BAZ2B: variants seen among roughly 807,000 people sequenced by gnomAD.
The protein encoded by BAZ2B is bromodomain adjacent to zinc finger domain 2B.
BAZ2B carries 91 observed loss-of-function variants against 246.0 expected under a neutral mutation model. That is an observed-to-expected ratio of 0.37 (90% CI 0.31 to 0.44). The LOEUF (loss-of-function observed/expected upper bound fraction) is 0.44, where lower values mean the gene tolerates loss of function less well. Ranked by LOEUF, BAZ2B falls within the 20% of genes least tolerant of loss-of-function variation. The pLI is 1.00. For missense variants in BAZ2B, 2,332 were observed against 2,533.7 expected (o/e 0.92, Z 1.71); for synonymous variants, 855 against 860.0 (o/e 0.99, Z 0.10).
intron 23 of BAZ2B, among the ~76,000 whole-genome samples, chr2:159,384,236 G>C (rs2062355756): frequency 6.6e-6 from 1 of 151,868 alleles, no homozygotes; most frequent in Non-Finnish European, 1.5e-5. Flanking sequence ...TTGAATTTGG[G>C]TGTATGTGTT....
Position 159,432,845 on chromosome 2 carries a change from A to T in BAZ2B, c.1812T>A (p.Ser604=). Residue 604 remains serine, a synonymous_variant, in exon 9 of 37, where the codon TCT becomes TCA. Coordinates refer to ENST00000392783, the MANE Select transcript of BAZ2B (RefSeq NM_013450.4). ...TDSDIPSSKD[S]EDSNEDEEED... Reference sequence around the variant, plus strand: ...CCTCTTCATCCTCATTTGAATCTTCAGAATCTTTACTACTGGGAATGTCTG... The same window carrying T: ...CCTCTTCATCCTCATTTGAATCTTCTGAATCTTTACTACTGGGAATGTCTG... 1 of 1,614,126 alleles carries T rather than the reference A, an allele frequency of 6.2e-7. No individual in the cohort carries two copies. The highest frequency in any genetic ancestry group is 1.1e-5 in the South Asian group (1 of 91,080).
Position 159,344,046 on chromosome 2 carries a change from GAA to G in BAZ2B, c.5454+3438_5454+3439del, listed in dbSNP as rs796497198. On this transcript the variant is annotated intron_variant, in intron 31 of 36. Transcript: ENST00000392783. The stretch of plus-strand genomic sequence containing the variant: ...CCATCTCAAAAAAAAAAAAAAAAAA[GAA>G]AAAAAAAAAAATGAGATGCTGGTAA... Among the ~76,000 whole-genome samples the G allele has an allele frequency of 2.8e-3, 305 of 108,946 alleles. 3 individuals are homozygous for G. Among genetic ancestry groups the G allele is most frequent in the African/African-American group, 1.0e-2 (297 of 29,816 alleles). 71.5% of individuals were successfully genotyped at this position (108,946 alleles called of 152,430 possible).
chr2:159,617,760 A>C (rs1173985553), upstream of BAZ2B, among the ~76,000 whole-genome samples: 1 of 151,680 alleles, frequency 6.6e-6, no homozygotes, highest in East Asian at 2.0e-4. Flanking sequence ...GATTTCACAA[A>C]GCTGCTTCAT....
At chr2:159,708,577 ATTT>A in the BAZ2B span, among the ~76,000 whole-genome samples, 2 of 95,238 alleles carry the variant, frequency 2.1e-5, no homozygotes, top group African/African-American at 3.7e-5. Context: ...TTATTTATTT[ATTT>A]CTTTATTTAT....
chr2:159,506,538 A>ATC (rs1472101445), intron 2 of BAZ2B, among the ~76,000 whole-genome samples: 5 of 152,234 alleles, frequency 3.3e-5, no homozygotes, highest in Non-Finnish European at 7.3e-5. Flanking sequence ...ATGGAGGAAT[A>ATC]TCTCCTGGTA....
chr2:159,689,356 C>A, the BAZ2B span: 1 of 289,132 alleles, frequency 3.5e-6, no homozygotes, highest in Non-Finnish European at 6.3e-6. Context: ...TGGGCTTCTT[C>A]AGCATTTTTA....
chr2:159,566,858 T>C (rs1682719984), intron 1 of BAZ2B, among the ~76,000 whole-genome samples: 1 of 152,174 alleles, frequency 6.6e-6, no homozygotes, highest in African/African-American at 2.4e-5. Context: ...TGAGAGGTTA[T>C]ATACTAAGGT....
intron 14 of BAZ2B, among the ~76,000 whole-genome samples, chr2:159,405,379 T>C (rs1291254800): frequency 6.6e-6 from 1 of 151,988 alleles, no homozygotes; most frequent in East Asian, 1.9e-4. Flanking sequence ...ACCCAGCTAA[T>C]TTTTGTATTT....
chr2:159,514,440 G>A (rs2083239583), intron 2 of BAZ2B, among the ~76,000 whole-genome samples: 1 of 152,044 alleles, frequency 6.6e-6, no homozygotes, highest in South Asian at 2.1e-4. Flanking sequence ...AAGGGATTTT[G>A]TACTGCTTTA....
rs778902560 is a variant in BAZ2B at position 159,325,641 on chromosome 2, C to T, written c.6209+12G>A. 1.3e-5 allele frequency: 20 copies of T among 1,576,380 alleles called. 1 individual carries two copies. The highest frequency in any genetic ancestry group is 1.4e-5 in the African/African-American group (1 of 72,096). On this transcript the variant is annotated intron_variant, in intron 35 of 36. Transcript: ENST00000392783. ...ATTATAAATATACAGTGCATGAAAA[C>T]GGAAATAATACCTGCAAAGAGCTAG... is the stretch of plus-strand genomic sequence containing the variant.
In BAZ2B at chr2:159,385,220, T is replaced by C. The variant is rs2062489871; in HGVS notation, c.3621A>G (p.Pro1207=). Residue 1207 remains proline (P), a synonymous_variant, in exon 23 of 37, where the codon CCA becomes CCG. Transcript: ENST00000392783. ...LKTKAFQAHT[P]AQKASVLAFL... Reference sequence around the variant, plus strand: ...AAGCCAGGACTGAAGCTTTCTGTGCTGGAGTGTGAGCCTGAAAAGCTTTGG... The same window carrying C: ...AAGCCAGGACTGAAGCTTTCTGTGCCGGAGTGTGAGCCTGAAAAGCTTTGG... 1 of 1,613,664 alleles carries C rather than the reference T, an allele frequency of 6.2e-7. No individual in the cohort carries two copies. The highest frequency in any genetic ancestry group is 1.3e-5 in the African/African-American group (1 of 75,028).
At position 159,382,744 on chromosome 2, in the gene BAZ2B, G is replaced by T; in HGVS notation, c.3820C>A (p.Leu1274Met). ...GKRDTSGGID[L>M]GEEQHPLGTP... Reference sequence around the variant, plus strand: ...CCCAAGGGATGCTGCTCTTCTCCCAGATCAATGCCACCTGAAGTGTCTCTT... The same window carrying T: ...CCCAAGGGATGCTGCTCTTCTCCCATATCAATGCCACCTGAAGTGTCTCTT... Residue 1274 changes from leucine (L) to methionine (M), a missense_variant, in exon 25 of 37, where the codon CTG becomes ATG. Physicochemically the swap from Leu to Met is conservative, Grantham distance 15 (BLOSUM62 2). Coordinates refer to ENST00000392783, the MANE Select transcript of BAZ2B (RefSeq NM_013450.4). The T allele has an allele frequency of 6.2e-7, 1 of 1,613,678 alleles. No individual in the cohort carries two copies. The highest frequency in any genetic ancestry group is 8.5e-7 in the Non-Finnish European group (1 of 1,179,876).
chr2:159,328,888 G>A (rs1477893980), intron 34 of BAZ2B, among the ~76,000 whole-genome samples: 1 of 152,142 alleles, frequency 6.6e-6, no homozygotes, highest in Non-Finnish European at 1.5e-5. Context: ...AGCACTTTGG[G>A]AGGCCGAGGC....
chr2:159,472,860 T>C (rs560136618), intron 3 of BAZ2B, among the ~76,000 whole-genome samples: 1 of 152,346 alleles, frequency 6.6e-6, no homozygotes, highest in South Asian at 2.1e-4. Context: ...GGATAAGCTT[T>C]TTGATGTGCT....
chr2:159,484,775 C>T (rs1400029897), intron 2 of BAZ2B, among the ~76,000 whole-genome samples: 1 of 152,036 alleles, frequency 6.6e-6, no homozygotes, highest in Non-Finnish European at 1.5e-5. Flanking sequence ...TGATTAGTTC[C>T]CTGTGTTTCA....
At chr2:159,466,327 T>C (rs1401675876) in intron 3 of BAZ2B, among the ~76,000 whole-genome samples, 1 of 152,224 alleles carries the variant, frequency 6.6e-6, no homozygotes, top group Non-Finnish European at 1.5e-5. Flanking sequence ...GAGTTAATTA[T>C]CATTTAAGTT....
chr2:159,351,719 T>A (rs2058587359), intron 27 of BAZ2B, among the ~76,000 whole-genome samples: 1 of 152,194 alleles, frequency 6.6e-6, no homozygotes, highest in African/African-American at 2.4e-5. Flanking sequence ...TTCATAGGTT[T>A]ATTGGTATTT....
intron 3 of BAZ2B, among the ~76,000 whole-genome samples, chr2:159,477,622 G>C (rs1302011628): frequency 6.6e-6 from 1 of 151,956 alleles, no homozygotes; most frequent in African/African-American, 2.4e-5. Context: ...TTAGTTTACT[G>C]CTTATAAACA....
At chr2:159,418,421 A>T (rs2068139313) in intron 13 of BAZ2B, among the ~76,000 whole-genome samples, 1 of 152,132 alleles carries the variant, frequency 6.6e-6, no homozygotes, top group Non-Finnish European at 1.5e-5. Flanking sequence ...TAGACAGTAA[A>T]TTGCCCAATT....
Sources: gnomAD v4.1 joint callset for allele counts (sites outside exome capture counted in the v4.1 genomes callset) on GRCh38, gnomAD v4.1.1 for gene constraint, MANE v1.5 for transcripts, NCBI Gene and HGNC (gene_info 2026-07-23, HGNC 2026-07-21) for gene names.